The following KAT6B variants were observed in gnomAD, a reference collection of about 807,000 sequenced individuals.
KAT6B encodes the protein histone acetyltransferase KAT6B.
KAT6B carries 10 observed loss-of-function variants against 187.5 expected under a neutral mutation model. The ratio of observed to expected loss-of-function variants is 0.05; its 90% CI spans 0.03 to 0.09. KAT6B has a LOEUF of 0.09. Ranked by LOEUF, KAT6B falls within the 10% of genes least tolerant of loss-of-function variation. KAT6B has a pLI of 1.00. For missense variants in KAT6B, 1,952 were observed against 2,558.9 expected, an observed-to-expected ratio of 0.76 and a Z score of 5.12; for synonymous variants, 861 against 926.8, an observed-to-expected ratio of 0.93 and a Z score of 1.29.
At chr10:74,924,973 T>G (rs1848387898) in intron 3 of KAT6B, among the ~76,000 whole-genome samples, 1 of 152,214 alleles carries the variant, frequency 6.6e-6, no homozygotes, top group African/African-American at 2.4e-5. Flanking sequence ...TTTAAAGGTC[T>G]GATACTAGAA....
At chr10:75,022,336 C>G in intron 16 of KAT6B, 105 bp downstream of exon 16, 2 of 1,273,662 alleles carry the variant, frequency 1.6e-6, no homozygotes, top group Non-Finnish European at 2.3e-6. Context: ...GTTCTTTAGT[C>G]GTAGTTTATG....
rs1264101139 is a variant in KAT6B at position 75,021,903 on chromosome 10, C to G, written c.3044C>G (p.Ala1015Gly). 6.2e-7 allele frequency: 1 copy of G among 1,614,176 alleles called. No homozygotes were observed. The highest frequency in any genetic ancestry group is 2.2e-5 in the East Asian group (1 of 44,890). The change falls in exon 16 of 18, where the codon GCT (alanine) becomes GGT (glycine). Residue 1015 changes from alanine to glycine, a missense_variant. Ala to Gly is a moderately conservative substitution (Grantham distance 60). Around this residue, in one of 9 missense-constraint regions of KAT6B, gnomAD observed 758 missense variants for 891.4 expected, o/e 0.85. Transcript: ENST00000287239. ...EKEAERLMEQ[A>G]SCWEKEEQEI... is the part of the protein sequence containing the mutation. ...TAGGCTGAGCGGCTAATGGAACAAG[C>G]TAGCTGCTGGGAGAAGGAGGAACAA...
intron 3 of KAT6B, among the ~76,000 whole-genome samples, chr10:74,946,252 C>T (rs1467469218): frequency 4.6e-5 from 7 of 151,960 alleles, no homozygotes; most frequent in South Asian, 4.2e-4. Context: ...ATTATTTTAC[C>T]GTCTTAATGG....
chr10:75,031,744 A>C lies in KAT6B; in HGVS notation c.*698A>C, dbSNP rs886047252. On this transcript the variant is annotated 3_prime_UTR_variant, in exon 18 of 18. Coordinates refer to ENST00000287239, the MANE Select transcript of KAT6B (RefSeq NM_012330.4). Reference sequence around the variant, plus strand: ...GTTGAGACCCTTTTCCATTTTGGTGACAGATTTCTTTGGGGAAAAAAGGCA... The same window carrying C: ...GTTGAGACCCTTTTCCATTTTGGTGCCAGATTTCTTTGGGGAAAAAAGGCA... 1 of 211,052 alleles carries C rather than the reference A, an allele frequency of 4.7e-6. No individual in the cohort carries two copies. The highest frequency in any genetic ancestry group is 9.6e-6 in the Non-Finnish European group (1 of 103,894). The allele number at this position is 211,052 out of a possible 1,614,324, so 13.1% of individuals were successfully genotyped here. A position where few individuals can be genotyped will look rare whatever the true frequency, so the allele number is the denominator to read the frequency against.
intron 3 of KAT6B, among the ~76,000 whole-genome samples, chr10:74,878,702 G>A (rs1180018248): frequency 6.6e-6 from 1 of 151,782 alleles, no homozygotes; most frequent in Non-Finnish European, 1.5e-5. Context: ...GAGATTTGAA[G>A]TCAGAGTCCA....
intron 3 of KAT6B, among the ~76,000 whole-genome samples, chr10:74,956,089 A>G (rs1265491562): frequency 6.6e-6 from 1 of 152,002 alleles, no homozygotes; most frequent in Non-Finnish European, 1.5e-5. Flanking sequence ...ATGCCTGCCT[A>G]ATTTTTTTAT....
intron 3 of KAT6B, among the ~76,000 whole-genome samples, chr10:74,927,940 G>A (rs1209761492): frequency 6.6e-6 from 1 of 152,174 alleles, no homozygotes; most frequent in Non-Finnish European, 1.5e-5. Context: ...TCATGAGTCA[G>A]ACATCTGAAC....
chr10:74,958,520 G>A (rs1168392459), intron 3 of KAT6B, among the ~76,000 whole-genome samples: 1 of 152,128 alleles, frequency 6.6e-6, no homozygotes, highest in African/African-American at 2.4e-5. Context: ...GGAATATGCG[G>A]TAAAATTACA....
chr10:74,919,869 A>G (rs1175688748), intron 3 of KAT6B, among the ~76,000 whole-genome samples: 2 of 152,188 alleles, frequency 1.3e-5, no homozygotes, highest in Non-Finnish European at 2.9e-5. Context: ...GTCATTAGTT[A>G]TAGAATTTTT....
At chr10:74,982,552 T>C (rs1487710047) in intron 11 of KAT6B, 1 of 154,170 alleles carries the variant, frequency 6.5e-6, no homozygotes, top group Non-Finnish European at 1.4e-5. Context: ...TTTGCCTCTA[T>C]ATAGTTGCAT....
At chr10:74,841,651 C>T (rs1055894669) in intron 2 of KAT6B, among the ~76,000 whole-genome samples, 3 of 152,154 alleles carry the variant, frequency 2.0e-5, no homozygotes, top group Non-Finnish European at 4.4e-5. Context: ...TCCATCTTCT[C>T]CCGAGCCTCA....
At chr10:74,953,192 T>TA (rs1376519879) in intron 3 of KAT6B, among the ~76,000 whole-genome samples, 1 of 152,088 alleles carries the variant, frequency 6.6e-6, no homozygotes, top group African/African-American at 2.4e-5. Context: ...ATTCATTCTT[T>TA]AAAAAAATCC....
chr10:74,887,918 T>A (rs2132603757), intron 3 of KAT6B, among the ~76,000 whole-genome samples: 1 of 151,982 alleles, frequency 6.6e-6, no homozygotes, highest in East Asian at 1.9e-4. Flanking sequence ...TTGGGGAGAT[T>A]GAGACTGCAG....
chr10:74,949,558 G>A (rs1343543565), intron 3 of KAT6B, among the ~76,000 whole-genome samples: 1 of 152,170 alleles, frequency 6.6e-6, no homozygotes, highest in Non-Finnish European at 1.5e-5. Flanking sequence ...TTTTATAAAT[G>A]GCACACCTGC....
intron 3 of KAT6B, among the ~76,000 whole-genome samples, chr10:74,896,840 A>C (rs890286726): frequency 7.9e-5 from 12 of 152,160 alleles, no homozygotes; most frequent in African/African-American, 2.9e-4. Flanking sequence ...GCTTGTTTTA[A>C]ATGTGCTGCT....
At chr10:74,983,179 G>C (rs557524425) in intron 11 of KAT6B, 3 of 152,320 alleles carry the variant, frequency 2.0e-5, no homozygotes, top group Middle Eastern at 3.4e-3. Context: ...AGGCACTTTT[G>C]ACATTTCAAG....
At chr10:74,836,549 C>G (rs1252028251) in intron 1 of KAT6B, among the ~76,000 whole-genome samples, 2 of 152,158 alleles carry the variant, frequency 1.3e-5, no homozygotes, top group Non-Finnish European at 2.9e-5. Context: ...ACCTCACCTC[C>G]CAGTTCACAT....
At chr10:74,895,649 C>T (rs113717682) in intron 3 of KAT6B, among the ~76,000 whole-genome samples, 2,210 of 152,224 alleles carry the variant, frequency 0.015, 33 homozygotes, top group Non-Finnish European at 0.023. Flanking sequence ...AAGCGATTCT[C>T]GTGCCCCAGC....
intron 17 of KAT6B, among the ~76,000 whole-genome samples, chr10:75,027,753 A>C (rs1845985734): frequency 6.6e-6 from 1 of 152,202 alleles, no homozygotes; most frequent in Non-Finnish European, 1.5e-5. Flanking sequence ...CAAACCTTAC[A>C]TCAGCAACAT....
Sources: allele counts gnomAD v4.1 joint callset (sites outside exome capture counted in the v4.1 genomes callset), GRCh38; gene constraint gnomAD v4.1.1; regional missense constraint gnomAD v4.1.1; transcripts MANE v1.5; gene names NCBI Gene and HGNC (gene_info 2026-07-23, HGNC 2026-07-21).